Variants in SORT1 observed in about 807,000 individuals in gnomAD.
SORT1 encodes the protein sortilin.
Under a neutral mutation model 101.7 loss-of-function variants are expected in SORT1, and 39 were observed. The ratio of observed to expected loss-of-function variants is 0.38; its 90% CI spans 0.30 to 0.50. SORT1 has a LOEUF of 0.50. Among genes scored for constraint, SORT1 ranks in the 20% least tolerant of loss-of-function variants. SORT1 has a pLI of 0.90. For missense variants in SORT1, 878 were observed against 1,040.4 expected, an observed-to-expected ratio of 0.84 and a Z score of 2.15; for synonymous variants, 396 against 393.7, an observed-to-expected ratio of 1.01 and a Z score of -0.07.
rs116711509 is a variant in SORT1, at chr1:109,319,525, A to C, written c.2025-1556T>G. 4.1e-3 allele frequency among the ~76,000 whole-genome samples: 618 copies of C among 152,044 alleles called. 4 individuals are homozygous for C. Among genetic ancestry groups the C allele is most frequent in the Admixed American group, 7.3e-3 (112 of 15,270 alleles). On this transcript the variant is annotated intron_variant, in intron 15 of 19. Coordinates refer to ENST00000256637, the MANE Select transcript of SORT1 (RefSeq NM_002959.7). Reference sequence around the variant, plus strand: ...TTTACTTGTCCTATTTTACTCATTTATTTTTTCTTCCACGCATTTTGGCTT... The same window carrying C: ...TTTACTTGTCCTATTTTACTCATTTCTTTTTTCTTCCACGCATTTTGGCTT...
intron 11 of SORT1, among the ~76,000 whole-genome samples, chr1:109,331,929 C>T (rs1391170362): frequency 1.9e-5 from 2 of 103,684 alleles, no homozygotes; most frequent in African/African-American, 3.9e-5. Context: ...TACAATAGTA[C>T]AAGAAAAAAA....
intron 1 of SORT1, among the ~76,000 whole-genome samples, chr1:109,382,824 T>A (rs761229158): frequency 1.3e-5 from 2 of 152,156 alleles, no homozygotes; most frequent in Non-Finnish European, 2.9e-5. Context: ...CTAAAATGCA[T>A]CCACCTTGAA....
intron 3 of SORT1, among the ~76,000 whole-genome samples, chr1:109,361,990 C>T (rs1650750830): frequency 6.6e-6 from 1 of 151,884 alleles, no homozygotes. Flanking sequence ...TTGGGGGGTA[C>T]TTTTTCTGTT....
chr1:109,323,151 T>G, intron 14 of SORT1, 30 bp from the exon 15 acceptor site: 2 of 1,578,732 alleles, frequency 1.3e-6, no homozygotes, highest in Non-Finnish European at 1.7e-6. Flanking sequence ...TTCAGGAAAG[T>G]ACACAGCACA....
chr1:109,315,588 C>T (rs1658982109), intron 17 of SORT1, among the ~76,000 whole-genome samples: 1 of 152,206 alleles, frequency 6.6e-6, no homozygotes, highest in South Asian at 2.1e-4. Context: ...GCAGGTGATC[C>T]AGCTTGACCT....
chr1:109,313,774 T>C lies in SORT1; in HGVS notation c.*269A>G, dbSNP rs954789424. Reference sequence around the variant, plus strand: ...TAAAAAACAAAAACAAAAAAGCCCATACTTTGCAAAGAGACAGGACGAGAA... The same window carrying C: ...TAAAAAACAAAAACAAAAAAGCCCACACTTTGCAAAGAGACAGGACGAGAA... On this transcript the variant is annotated 3_prime_UTR_variant, in exon 20 of 20. Transcript: ENST00000256637. 3 of 512,806 alleles carry C rather than the reference T, an allele frequency of 5.9e-6. No individual in the cohort carries two copies. Among genetic ancestry groups the C allele is most frequent in the Non-Finnish European group, 6.8e-6 (2 of 292,032 alleles). 31.8% of individuals were successfully genotyped at this position (512,806 alleles called of 1,614,324 possible).
intron 3 of SORT1, among the ~76,000 whole-genome samples, chr1:109,359,207 C>A (rs1426109519): frequency 1.3e-5 from 2 of 151,916 alleles, no homozygotes; most frequent in Non-Finnish European, 2.9e-5. Flanking sequence ...GTCACTGTAA[C>A]CGTACATGAC....
intron 1 of SORT1, among the ~76,000 whole-genome samples, chr1:109,376,487 A>G (rs1651865271): frequency 6.6e-6 from 1 of 152,224 alleles, no homozygotes; most frequent in Non-Finnish European, 1.5e-5. Context: ...AAGACATGGA[A>G]TCAACCTAGG....
chr1:109,314,318 A>C lies in SORT1; in HGVS notation c.2424T>G (p.Asp808Glu). The change falls in exon 19 of 20, where the codon GAT becomes GAG. Residue 808 changes from aspartate (D) to glutamate (E), a missense_variant. Asp to Glu is a conservative substitution (Grantham distance 45). Coordinates refer to ENST00000256637, the MANE Select transcript of SORT1 (RefSeq NM_002959.7). ...HAEANGVDGV[D>E]ALDTASHTNK... ...TAGTGTGGGAGGCTGTGTCCAAAGC[A>C]TCCACACCATCCACACCATTGGCCT... 6.2e-7 allele frequency: 1 copy of C among 1,613,672 alleles called. No individual in the cohort carries two copies. Among genetic ancestry groups the C allele is most frequent in the Non-Finnish European group, 8.5e-7 (1 of 1,179,752 alleles).
chr1:109,328,733 C>T (rs1237417869), intron 11 of SORT1, among the ~76,000 whole-genome samples: 2 of 152,204 alleles, frequency 1.3e-5, no homozygotes, highest in East Asian at 3.8e-4. Context: ...GCTGACTCTA[C>T]ACAAATAAAC....
At chr1:109,346,471 T>C (rs935472909) in intron 7 of SORT1, among the ~76,000 whole-genome samples, 2 of 149,702 alleles carry the variant, frequency 1.3e-5, no homozygotes, top group Admixed American at 1.3e-4. Context: ...AGCAGACGGG[T>C]GCGGTGGCTC....
intron 1 of SORT1, chr1:109,393,344 TTCA>T: frequency 2.0e-6 from 2 of 982,960 alleles, no homozygotes; most frequent in Non-Finnish European, 1.2e-6. Context: ...CCTGGCTTTA[TTCA>T]TCATAAGTTT....
rs1209691940 is a variant in SORT1 at position 109,317,885 on chromosome 1, C to T, written c.2109G>A (p.Leu703=). The change falls in exon 16 of 20, where the codon CTG becomes CTA. Residue 703 remains leucine (L), a synonymous_variant. Coordinates refer to ENST00000256637, the MANE Select transcript of SORT1 (RefSeq NM_002959.7). Reference sequence around the variant, plus strand: ...TTGTTAGGTGTTCTTCTCTTCCGTACAGACAAAACTCCAGGTCGTGGCCCT... The same window carrying T: ...TTGTTAGGTGTTCTTCTCTTCCGTATAGACAAAACTCCAGGTCGTGGCCCT... ...ELKGHDLEFC[L]YGREEHLTTN... 1.5e-5 allele frequency: 24 copies of T among 1,613,890 alleles called. No homozygotes were observed. Among genetic ancestry groups the T allele is most frequent in the Non-Finnish European group, 2.0e-5 (24 of 1,179,748 alleles).
At position 109,316,898 on chromosome 1, in the gene SORT1, T is replaced by C. The variant is rs781162131; in HGVS notation, c.2202A>G (p.Lys734=). 2 of 1,612,506 alleles carry C rather than the reference T, an allele frequency of 1.2e-6. No homozygotes were observed. Among genetic ancestry groups the C allele is most frequent in the Non-Finnish European group, 1.7e-6 (2 of 1,179,370 alleles). ...TGCTTGTGCATTTCTTTTTCAAGTCTTTTACTTCTCGAACTGGATTTACCC... is the reference window on the plus strand; with the variant it reads ...TGCTTGTGCATTTCTTTTTCAAGTCCTTTACTTCTCGAACTGGATTTACCC... ...QGGVNPVREV[K]DLKKKCTSNF... The change falls in exon 17 of 20, where the codon AAA becomes AAG. Residue 734 remains lysine (K), a synonymous_variant. Coordinates refer to ENST00000256637, the MANE Select transcript of SORT1 (RefSeq NM_002959.7).
At chr1:109,324,818 TA>T in intron 14 of SORT1, 80 bp downstream of exon 14, 1 of 947,318 alleles carries the variant, frequency 1.1e-6, no homozygotes, top group Non-Finnish European at 1.6e-6. Context: ...TGATTCCAGC[TA>T]AAAGAAATTA....
At chr1:109,340,684 A>C (rs1649153387) in intron 10 of SORT1, 40 bp downstream of exon 10, 4 of 1,608,094 alleles carry the variant, frequency 2.5e-6, no homozygotes, top group Non-Finnish European at 3.4e-6. Context: ...TACCACATGC[A>C]GCTGAAGGCA....
chr1:109,354,648 G>T (rs1470998386), intron 4 of SORT1, 117 bp from the exon 5 acceptor site: 2 of 769,222 alleles, frequency 2.6e-6, no homozygotes, highest in African/African-American at 3.5e-5. Context: ...GAAATAAGAA[G>T]AGTTATAAAA....
chr1:109,378,720 AT>A (rs1267623677), intron 1 of SORT1, among the ~76,000 whole-genome samples: 1 of 39,580 alleles, frequency 2.5e-5, no homozygotes, highest in African/African-American at 9.7e-5. Flanking sequence ...ATATATATAT[AT>A]ATATATATAT....
intron 1 of SORT1, among the ~76,000 whole-genome samples, chr1:109,385,599 C>T (rs935023367): frequency 1.3e-5 from 2 of 152,228 alleles, no homozygotes; most frequent in African/African-American, 4.8e-5. Context: ...TAAAGGCTTG[C>T]TGCTTCTCCC....
Sources: gnomAD v4.1 joint callset for allele counts (sites outside exome capture counted in the v4.1 genomes callset) on GRCh38, gnomAD v4.1.1 for gene constraint, MANE v1.5 for transcripts, NCBI Gene and HGNC (gene_info 2026-07-23, HGNC 2026-07-21) for gene names.